GDPD2: variants seen among roughly 807,000 people sequenced by gnomAD.
GDPD2 encodes the protein glycerophosphodiester phosphodiesterase domain containing 2.
GDPD2 carries 23 observed loss-of-function variants against 49.2 expected under a neutral mutation model. The ratio of observed to expected loss-of-function variants is 0.47; its 90% CI spans 0.34 to 0.66. The LOEUF (loss-of-function observed/expected upper bound fraction) is 0.66. GDPD2 is among the 30% of genes least tolerant of loss of function. The probability of loss-of-function intolerance (pLI) is 0.01; values close to 1 mark genes in which losing one functional copy is unlikely to be tolerated. For synonymous variants in GDPD2, 167 were observed against 171.4 expected, an observed-to-expected ratio of 0.97 and a Z score of 0.20; for missense variants, 338 against 424.7, an observed-to-expected ratio of 0.80 and a Z score of 1.79.
At position 70,432,360 on chromosome X, in the gene GDPD2, G is replaced by A; in HGVS notation, c.1361G>A (p.Trp454Ter). 8.3e-7 allele frequency: 1 copy of A among 1,208,092 alleles called. No individual in the cohort carries two copies. The highest frequency in any genetic ancestry group is 1.1e-6 in the Non-Finnish European group (1 of 892,315). The change falls in exon 13 of 16, where the codon TGG (tryptophan) becomes TAG (stop). Residue 454 changes from tryptophan (W) to a stop codon, truncating the protein, a stop_gained. Transcript: ENST00000374382. LOFTEE classifies it high-confidence loss of function. ...AACCTATTTGTAGTGAACAAGCCCT[G>A]GCTCTTCTCTCTGCTTTGGTGTGCA... The part of the protein sequence containing the change: ...SVNLFVVNKP[W>*]LFSLLWCAGV...
At chrX:70,423,686 C>T (rs181048545) in intron 1 of GDPD2, among the ~76,000 whole-genome samples, 60 of 111,328 alleles carry the variant, frequency 5.4e-4, no homozygotes, top group Non-Finnish European at 8.9e-4. Context: ...GGCTTTTTAC[C>T]GGGAAGGGTC....
chrX:70,424,874 C>T, intron 1 of GDPD2, 102 bp from the exon 2 acceptor site: 1 of 532,821 alleles, frequency 1.9e-6, no homozygotes, highest in Non-Finnish European at 3.1e-6. Context: ...GAGCAGCGGC[C>T]CAGGCCTCTG....
At chrX:70,426,283 C>G (rs1602833917) in intron 5 of GDPD2, 88 bp from the exon 6 acceptor site, 1 of 841,002 alleles carries the variant, frequency 1.2e-6, no homozygotes, top group Non-Finnish European at 1.7e-6. Flanking sequence ...AGGGAAGGGT[C>G]GGGTCCCATC....
chrX:70,430,961 T>TG lies in GDPD2; in HGVS notation c.1307+898_1307+899insG, dbSNP rs1370313191. 5.3e-5 allele frequency: 23 copies of TG among 437,362 alleles called. No homozygotes were observed. In the East Asian group the frequency reaches 7.9e-4, roughly 15 times the overall value. The allele number at this position is 437,362 out of a possible 1,213,427, so 36.0% of individuals were successfully genotyped here. The stretch of plus-strand genomic sequence containing the variant: ...ACCACTATGCAAGGCTATTTTTTTT[T>TG]TTTTTTTTTTAGAGACAGGTTCCTA... On this transcript the variant is annotated intron_variant, in intron 12 of 15. Coordinates refer to ENST00000374382, the MANE Select transcript of GDPD2 (RefSeq NM_017711.4).
At chrX:70,423,529 C>T (rs1453000406) in intron 1 of GDPD2, 147 bp downstream of exon 1, 1 of 111,833 alleles carries the variant, frequency 8.9e-6, no homozygotes, top group Non-Finnish European at 1.9e-5. Flanking sequence ...AGACCCTGAT[C>T]CCATCCTACA....
Position 70,425,468 on chromosome X carries a change from G to T in GDPD2, c.209+11G>T. The T allele has an allele frequency of 9.3e-7, 1 of 1,077,020 alleles. No individual in the cohort carries two copies. The highest frequency in any genetic ancestry group is 1.3e-6 in the Non-Finnish European group (1 of 772,749). The allele number at this position is 1,077,020 out of a possible 1,213,427, so 88.8% of individuals were successfully genotyped here. A position where few individuals can be genotyped will look rare whatever the true frequency, so the allele number is the denominator to read the frequency against. On this transcript the variant is annotated intron_variant, in intron 3 of 15. Coordinates refer to ENST00000374382, the MANE Select transcript of GDPD2 (RefSeq NM_017711.4). ...GCACAACTTCAATGAGTGTGTCATG[G>T]ATTCCCCCTGCTTCCCCAGCATACC...
chrX:70,429,713 T>C lies in GDPD2; in HGVS notation c.1157T>C (p.Met386Thr), dbSNP rs1348869691. 1.7e-6 allele frequency: 2 copies of C among 1,177,945 alleles called. No individual in the cohort carries two copies. The highest frequency in any genetic ancestry group is 2.3e-6 in the Non-Finnish European group (2 of 865,967). Residue 386 changes from methionine to threonine, a missense_variant and splice_region_variant, in exon 11 of 16, where the codon ATG (methionine) becomes ACG (threonine). By Grantham distance (81) the Met-to-Thr change is moderately conservative. This residue lies in a region of GDPD2 where 253 missense variants were observed against 330.4 expected (regional missense o/e 0.77). Coordinates refer to ENST00000374382, the MANE Select transcript of GDPD2 (RefSeq NM_017711.4). ...TVLNARVPQA[M>T]VFWLPDEDRA... ...CTGAATGCAAGGGTGCCCCAAGCCA[T>C]GGTGATGTTGCCAGGACCCCCTCTC...
Position 70,426,670 on chromosome X carries a change from T to C in GDPD2, c.485T>C (p.Ile162Thr). ...CAGGCCACAGCCCCATTCCTTCATA[T>C]TGGAGCAGCCGCTGGAATTGCCCTC... ...SLQATAPFLH[I>T]GAAAGIALLA... The change falls in exon 7 of 16, where the codon ATT becomes ACT. Residue 162 changes from isoleucine (I) to threonine (T), a missense_variant. This residue lies in a region of GDPD2 where 253 missense variants were observed against 330.4 expected (regional missense o/e 0.77). Coordinates refer to ENST00000374382, the MANE Select transcript of GDPD2 (RefSeq NM_017711.4). 2.5e-6 allele frequency: 3 copies of C among 1,207,424 alleles called. No individual in the cohort carries two copies. Among genetic ancestry groups the C allele is most frequent in the Non-Finnish European group, 3.4e-6 (3 of 892,240 alleles).
At chrX:70,426,328 G>C in intron 5 of GDPD2, 43 bp from the exon 6 acceptor site, 1 of 1,124,983 alleles carries the variant, frequency 8.9e-7, no homozygotes, top group Non-Finnish European at 1.2e-6. Context: ...CCAACCATGA[G>C]CCCAAATTGA....
At position 70,429,957 on chromosome X, in the gene GDPD2, C is replaced by T. The variant is rs755155591; in HGVS notation, c.1201C>T (p.Arg401Trp). ...TGAAGATCGGGCTAATGTCCAACGA[C>T]GGGCACCTGGAATGCGCCAGATATA... The part of the protein sequence containing the change: ...PDEDRANVQR[R>W]APGMRQIYGR... The change falls in exon 12 of 16, where the codon CGG becomes TGG. Residue 401 changes from arginine (R) to tryptophan (W), a missense_variant. By Grantham distance (101) the Arg-to-Trp change is moderately radical. Transcript: ENST00000374382. 14 of 1,208,835 alleles carry T rather than the reference C, an allele frequency of 1.2e-5. No individual in the cohort carries two copies. Among genetic ancestry groups the T allele is most frequent in the East Asian group, 8.9e-5 (3 of 33,780 alleles).
At position 70,427,441 on chromosome X, in the gene GDPD2, A is replaced by G. The variant is rs769817376; in HGVS notation, c.914A>G (p.Asn305Ser). 2.5e-6 allele frequency: 3 copies of G among 1,210,509 alleles called. No homozygotes were observed. The highest frequency in any genetic ancestry group is 2.2e-5 in the Admixed American group (1 of 46,035). Reference protein sequence around the residue: ...DFSWTELKRLNAGSWFLERRP... With the variant: ...DFSWTELKRLSAGSWFLERRP... ...TCCTGGACTGAACTGAAGAGACTCA[A>G]TGCTGGATCCTGGTTCCTAGAGGTG... The change falls in exon 10 of 16, where the codon AAT (asparagine) becomes AGT (serine). Residue 305 changes from asparagine to serine, a missense_variant. This residue lies in a region of GDPD2 where 253 missense variants were observed against 330.4 expected (regional missense o/e 0.77). Coordinates refer to ENST00000374382, the MANE Select transcript of GDPD2 (RefSeq NM_017711.4).
At chrX:70,428,134 G>A (rs1291446008) in intron 10 of GDPD2, among the ~76,000 whole-genome samples, 2 of 110,366 alleles carry the variant, frequency 1.8e-5, no homozygotes, top group Admixed American at 9.7e-5. Context: ...CACAGTCCCC[G>A]ACTTATGAGG....
intron 14 of GDPD2, 124 bp from the exon 15 acceptor site, chrX:70,432,788 C>A: frequency 2.7e-6 from 2 of 728,714 alleles, no homozygotes; most frequent in Admixed American, 4.8e-5. Context: ...GATTCTTAGG[C>A]CCTTCCTTAT....
At chrX:70,427,706 GTCT>G (rs1824417384) in intron 10 of GDPD2, 1 of 311,530 alleles carries the variant, frequency 3.2e-6, no homozygotes, top group Non-Finnish European at 5.6e-6. Flanking sequence ...GAGGATGAAA[GTCT>G]TCTTCTAAGA....
Position 70,424,959 on chromosome X carries a change from A to C in GDPD2, c.-9-17A>C. On this transcript the variant is annotated splice_polypyrimidine_tract_variant and intron_variant, in intron 1 of 15. Transcript: ENST00000374382. ...CCTCTGCCAGGGTCCCTGATGGTCG[A>C]GTGTCCCTTCCCCCAGGCCTTCACC... 1 of 1,073,268 alleles carries C rather than the reference A, an allele frequency of 9.3e-7. No homozygotes were observed. Among genetic ancestry groups the C allele is most frequent in the Non-Finnish European group, 1.3e-6 (1 of 786,319 alleles). The allele number at this position is 1,073,268 out of a possible 1,213,427, so 88.4% of individuals were successfully genotyped here. A position where few individuals can be genotyped will look rare whatever the true frequency, so the allele number is the denominator to read the frequency against.
At chrX:70,424,894 C>T (rs1001587816) in intron 1 of GDPD2, 82 bp from the exon 2 acceptor site, 5 of 613,088 alleles carry the variant, frequency 8.2e-6, no homozygotes, top group African/African-American at 6.7e-5. Context: ...GCCTCTCCCC[C>T]GGGCTCCTCA....
chrX:70,426,467 C>A lies in GDPD2; in HGVS notation c.460C>A (p.Gln154Lys). 1 of 1,202,595 alleles carries A rather than the reference C, an allele frequency of 8.3e-7. No homozygotes were observed. The highest frequency in any genetic ancestry group is 1.8e-5 in the South Asian group (1 of 56,672). Residue 154 changes from glutamine to lysine, a missense_variant and splice_region_variant, in exon 6 of 16, where the codon CAG becomes AAG. By Grantham distance (53) the Gln-to-Lys change is moderately conservative. Transcript: ENST00000374382. ...QEWHSLRVSL[Q>K]ATAPFLHIGA... is the part of the protein sequence containing the mutation. ...GTGGCATAGCTTGCGTGTGTCACTG[C>A]AGGTGAGTGGCCAACCTCCAGTGTC...
chrX:70,433,176 G>T lies in GDPD2; in HGVS notation c.*90G>T, dbSNP rs2086494413. On this transcript the variant is annotated 3_prime_UTR_variant, in exon 16 of 16. Transcript: ENST00000374382. ...GGCTTAAGTGGAATGCTTCAGGGGTGGTGGGTTGCAAGTGGGGGGAGCTTT... is the reference window on the plus strand; with the variant it reads ...GGCTTAAGTGGAATGCTTCAGGGGTTGTGGGTTGCAAGTGGGGGGAGCTTT... 4 of 742,789 alleles carry T rather than the reference G, an allele frequency of 5.4e-6. No homozygotes were observed. The African/African-American group carries it at 8.2e-5, about 15-fold the overall frequency. 61.2% of individuals were successfully genotyped at this position (742,789 alleles called of 1,213,427 possible).
chrX:70,426,622 C>A (rs770524254), intron 6 of GDPD2, 26 bp from the exon 7 acceptor site: 1 of 1,146,921 alleles, frequency 8.7e-7, no homozygotes, highest in Non-Finnish European at 1.2e-6. Context: ...TGGAGAAGAG[C>A]CCACCTCACC....
Sources: allele counts gnomAD v4.1 joint callset (sites outside exome capture counted in the v4.1 genomes callset), GRCh38; gene constraint gnomAD v4.1.1; regional missense constraint gnomAD v4.1.1; transcripts MANE v1.5; gene names NCBI Gene and HGNC (gene_info 2026-07-23, HGNC 2026-07-21).